The following STK33 variants were observed in gnomAD, a reference collection of about 807,000 sequenced individuals.
STK33 encodes the protein serine/threonine kinase 33, also known as serine/threonine-protein kinase 33.
STK33 carries 52 observed loss-of-function variants against 58.0 expected under a neutral mutation model. The observed-to-expected ratio is 0.90, with a 90% confidence interval of 0.72 to 1.13. STK33 has a LOEUF of 1.13. Ranked by LOEUF, STK33 falls within the 50% of genes most tolerant of loss-of-function variation. STK33 has a pLI of 0.00. For missense variants in STK33, 630 were observed against 604.2 expected (o/e 1.04, Z -0.45); for synonymous variants, 215 against 200.1 (o/e 1.07, Z -0.63).
intron 14 of STK33, among the ~76,000 whole-genome samples, chr11:8,416,877 C>T (rs1035354760): frequency 6.6e-6 from 1 of 152,124 alleles, no homozygotes; most frequent in Non-Finnish European, 1.5e-5. Flanking sequence ...GTATAGAGTC[C>T]AGGCTTTGCC....
chr11:8,488,734 G>A (rs1950360889), intron 1 of STK33, among the ~76,000 whole-genome samples: 1 of 152,088 alleles, frequency 6.6e-6, no homozygotes, highest in African/African-American at 2.4e-5. Context: ...AAAACACCCT[G>A]GGGAGGGGAG....
intron 1 of STK33, among the ~76,000 whole-genome samples, chr11:8,523,879 G>C (rs1193705201): frequency 6.6e-6 from 1 of 152,248 alleles, no homozygotes; most frequent in Non-Finnish European, 1.5e-5. Context: ...GAATAGAAAA[G>C]GGGGAAATGT....
intron 14 of STK33, 100 bp downstream of exon 14, chr11:8,435,394 A>G (rs1002863461): frequency 3.1e-5 from 18 of 581,762 alleles, no homozygotes; most frequent in Non-Finnish European, 4.7e-5. Flanking sequence ...AAATCAAACT[A>G]ATTGACTGTT....
At chr11:8,398,256 T>C (rs1195967033) in intron 15 of STK33, among the ~76,000 whole-genome samples, 2 of 152,216 alleles carry the variant, frequency 1.3e-5, no homozygotes, top group Non-Finnish European at 2.9e-5. Flanking sequence ...GACTAACAGC[T>C]GATCTCTCAG....
At chr11:8,340,238 G>A in the STK33 span, among the ~76,000 whole-genome samples, 5 of 152,180 alleles carry the variant, frequency 3.3e-5, no homozygotes, top group Admixed American at 2.0e-4. Flanking sequence ...AACTTGAAAG[G>A]CAAGGTTCTT....
At chr11:8,570,437 CAT>C (rs1347535311) in intron 1 of STK33, among the ~76,000 whole-genome samples, 1 of 152,164 alleles carries the variant, frequency 6.6e-6, no homozygotes, top group African/African-American at 2.4e-5. Context: ...AAAATAAATA[CAT>C]ATGTCTACAA....
chr11:8,485,212 A>T (rs12276661), intron 1 of STK33, among the ~76,000 whole-genome samples: 14,918 of 152,246 alleles, frequency 0.098, 1,747 homozygotes, highest in African/African-American at 0.29. Context: ...ATAAGTTTAT[A>T]ATTTCCAAAA....
chr11:8,336,421 C>T, the STK33 span, among the ~76,000 whole-genome samples: 2 of 152,174 alleles, frequency 1.3e-5, no homozygotes, highest in African/African-American at 4.8e-5. Flanking sequence ...TTGCCATTCA[C>T]GGGGAGATGG....
At chr11:8,422,617 T>C (rs970252847) in intron 14 of STK33, among the ~76,000 whole-genome samples, 1 of 152,212 alleles carries the variant, frequency 6.6e-6, no homozygotes, top group Non-Finnish European at 1.5e-5. Flanking sequence ...ATTTATTTAA[T>C]TATTACAAGA....
chr11:8,438,969 A>G (rs555635765), intron 12 of STK33, among the ~76,000 whole-genome samples: 3 of 152,300 alleles, frequency 2.0e-5, no homozygotes, highest in African/African-American at 7.2e-5. Flanking sequence ...ACATCATCCA[A>G]TTTCTACTGC....
At chr11:8,570,639 T>C (rs1032332081) in intron 1 of STK33, among the ~76,000 whole-genome samples, 35 of 152,246 alleles carry the variant, frequency 2.3e-4, no homozygotes, top group South Asian at 1.5e-3. Context: ...TCCATTTACA[T>C]AGAAAATGCA....
intron 1 of STK33, among the ~76,000 whole-genome samples, chr11:8,516,639 T>C (rs979513122): frequency 2.6e-5 from 4 of 152,306 alleles, no homozygotes; most frequent in Middle Eastern, 3.4e-3. Flanking sequence ...ACCCTAATAG[T>C]GCACTTTTCC....
At chr11:8,349,456 G>A in the STK33 span, among the ~76,000 whole-genome samples, 1 of 152,168 alleles carries the variant, frequency 6.6e-6, no homozygotes, top group Non-Finnish European at 1.5e-5. Flanking sequence ...CACATGCAGG[G>A]CCCACGCTCA....
chr11:8,341,158 C>T, the STK33 span, among the ~76,000 whole-genome samples: 5 of 152,198 alleles, frequency 3.3e-5, no homozygotes, highest in Non-Finnish European at 7.3e-5. Context: ...CACCCAGCCA[C>T]GAGGGGCCTG....
chr11:8,422,061 G>C (rs1042991117), intron 14 of STK33, among the ~76,000 whole-genome samples: 1 of 152,088 alleles, frequency 6.6e-6, no homozygotes, highest in Non-Finnish European at 1.5e-5. Flanking sequence ...AAAAAAAGCT[G>C]ACTTTCTTGA....
intron 11 of STK33, among the ~76,000 whole-genome samples, chr11:8,443,583 T>C (rs1945031298): frequency 7.0e-6 from 1 of 142,692 alleles, no homozygotes; most frequent in South Asian, 2.5e-4. Context: ...TTAATCACAA[T>C]TAGAACACCG....
intron 4 of STK33, 24 bp from the exon 5 acceptor site, chr11:8,475,090 A>G (rs1324950474): frequency 2.1e-6 from 1 of 485,260 alleles, no homozygotes; most frequent in South Asian, 4.4e-5. Flanking sequence ...AGAAATAACC[A>G]TTTAGAGAAA....
At chr11:8,406,056 T>C (rs1020942305) in intron 15 of STK33, among the ~76,000 whole-genome samples, 2 of 141,466 alleles carry the variant, frequency 1.4e-5, no homozygotes, top group Non-Finnish European at 3.0e-5. Flanking sequence ...GGCAGGAGAA[T>C]GGCGGGAACC....
the STK33 span, among the ~76,000 whole-genome samples, chr11:8,377,955 G>A: frequency 6.6e-6 from 1 of 152,164 alleles, no homozygotes; most frequent in African/African-American, 2.4e-5. Flanking sequence ...AACCATAGGT[G>A]ACACAAACAA....
Sources: allele counts gnomAD v4.1 joint callset (sites outside exome capture counted in the v4.1 genomes callset), GRCh38; gene constraint gnomAD v4.1.1; transcripts MANE v1.5; gene names NCBI Gene and HGNC (gene_info 2026-07-23, HGNC 2026-07-21).